GADL1: variants seen among roughly 807,000 people sequenced by gnomAD.
The protein encoded by GADL1 is GAD like acidic amino acid decarboxylase 1, also known as acidic amino acid decarboxylase GADL1.
In GADL1, 71 loss-of-function variants were observed where a neutral mutation model predicts 69.5. The ratio of observed to expected loss-of-function variants is 1.02; its 90% CI spans 0.84 to 1.25. The LOEUF is 1.25. Ranked by LOEUF, GADL1 falls within the 50% of genes most tolerant of loss-of-function variation. The pLI is 0.00. For missense variants in GADL1, 737 were observed against 631.8 expected, an observed-to-expected ratio of 1.17 and a Z score of -1.79; for synonymous variants, 254 against 214.4, an observed-to-expected ratio of 1.18 and a Z score of -1.62.
intron 8 of GADL1, among the ~76,000 whole-genome samples, chr3:30,841,849 A>G (rs1300954942): frequency 6.6e-6 from 1 of 152,206 alleles, no homozygotes; most frequent in Non-Finnish European, 1.5e-5. Context: ...GGCAGGAGCC[A>G]ATGAAGCCTC....
chr3:30,742,722 A>G (rs1327918789), intron 14 of GADL1, among the ~76,000 whole-genome samples: 1 of 152,134 alleles, frequency 6.6e-6, no homozygotes, highest in Non-Finnish European at 1.5e-5. Context: ...TTTAATATAT[A>G]TAGTTCTAAA....
At chr3:30,796,066 TTC>T (rs1222092173) in intron 12 of GADL1, among the ~76,000 whole-genome samples, 1 of 152,206 alleles carries the variant, frequency 6.6e-6, no homozygotes, top group East Asian at 1.9e-4. Flanking sequence ...TTAGAAAGTA[TTC>T]TTAGACTGTA....
At chr3:30,869,968 T>C (rs1698457518) in intron 1 of GADL1, among the ~76,000 whole-genome samples, 1 of 151,892 alleles carries the variant, frequency 6.6e-6, no homozygotes, top group South Asian at 2.1e-4. Flanking sequence ...AGAAGGGTAT[T>C]GTTTCTCAAT....
At chr3:30,742,100 C>A (rs1695635037) in intron 14 of GADL1, among the ~76,000 whole-genome samples, 1 of 152,124 alleles carries the variant, frequency 6.6e-6, no homozygotes, top group Non-Finnish European at 1.5e-5. Context: ...ATATTTTGGC[C>A]CGGACAGTAA....
At chr3:30,831,945 G>T (rs1210740492) in intron 11 of GADL1, among the ~76,000 whole-genome samples, 1 of 151,876 alleles carries the variant, frequency 6.6e-6, no homozygotes, top group East Asian at 1.9e-4. Flanking sequence ...TTCCCTGTGA[G>T]ATTATAAACT....
chr3:30,734,470 C>A (rs929635844), intron 14 of GADL1, among the ~76,000 whole-genome samples: 1 of 152,122 alleles, frequency 6.6e-6, no homozygotes, highest in Non-Finnish European at 1.5e-5. Flanking sequence ...GCTTTGGATT[C>A]AGCTAAATAT....
At chr3:30,849,634 A>G (rs956435590) in intron 6 of GADL1, among the ~76,000 whole-genome samples, 1 of 152,148 alleles carries the variant, frequency 6.6e-6, no homozygotes, top group African/African-American at 2.4e-5. Context: ...CAATCAAAGC[A>G]ATCATTTTAA....
chr3:30,858,071 C>T (rs531032871), intron 2 of GADL1, among the ~76,000 whole-genome samples: 1 of 151,918 alleles, frequency 6.6e-6, no homozygotes, highest in African/African-American at 2.4e-5. Flanking sequence ...CCTACTATTC[C>T]TTTTTACAAA....
chr3:30,751,347 C>G (rs533861139), intron 14 of GADL1, among the ~76,000 whole-genome samples: 13 of 151,954 alleles, frequency 8.6e-5, no homozygotes, highest in Non-Finnish European at 1.5e-4. Context: ...GAGCCGCTTG[C>G]TGGTGTTTGT....
At chr3:30,742,333 CTTTA>C (rs1175611820) in intron 14 of GADL1, among the ~76,000 whole-genome samples, 3 of 150,758 alleles carry the variant, frequency 2.0e-5, no homozygotes, top group African/African-American at 7.3e-5. Flanking sequence ...AGATATTATA[CTTTA>C]TTTAAGTTAA....
At chr3:30,878,370 A>G (rs948128182) in intron 1 of GADL1, among the ~76,000 whole-genome samples, 7 of 151,930 alleles carry the variant, frequency 4.6e-5, no homozygotes, top group African/African-American at 1.7e-4. Flanking sequence ...GAAGTAGCTC[A>G]GGGAAGGAAG....
At chr3:30,816,691 G>T (rs1022303317) in intron 11 of GADL1, among the ~76,000 whole-genome samples, 1 of 151,352 alleles carries the variant, frequency 6.6e-6, no homozygotes, top group African/African-American at 2.4e-5. Context: ...GACTACAGGC[G>T]CATGCCACCA....
At chr3:30,730,493 G>A (rs780865057) in intron 14 of GADL1, among the ~76,000 whole-genome samples, 2 of 151,936 alleles carry the variant, frequency 1.3e-5, no homozygotes, top group Non-Finnish European at 2.9e-5. Context: ...GAAGAAACCC[G>A]AGCTGCATAA....
chr3:30,755,379 TTG>T (rs1695943881), intron 14 of GADL1, among the ~76,000 whole-genome samples: 1 of 119,888 alleles, frequency 8.3e-6, no homozygotes, highest in Non-Finnish European at 1.8e-5. Context: ...ACTAAAAAAC[TTG>T]TTTTTCTATG....
intron 14 of GADL1, among the ~76,000 whole-genome samples, chr3:30,746,682 G>A (rs985018124): frequency 2.0e-5 from 3 of 152,136 alleles, no homozygotes; most frequent in South Asian, 2.1e-4. Context: ...CTAATCCTGG[G>A]CCATCAGATT....
At chr3:30,772,352 A>T (rs556600362) in intron 14 of GADL1, among the ~76,000 whole-genome samples, 1 of 152,326 alleles carries the variant, frequency 6.6e-6, no homozygotes, top group South Asian at 2.1e-4. Flanking sequence ...GGCATAGTGT[A>T]CTTATTTATG....
intron 14 of GADL1, among the ~76,000 whole-genome samples, chr3:30,749,882 A>G (rs540921366): frequency 6.6e-6 from 1 of 152,346 alleles, no homozygotes; most frequent in East Asian, 1.9e-4. Flanking sequence ...GCTATCTGTC[A>G]TAACTGAAGA....
chr3:30,801,419 A>C (rs1282082236), intron 11 of GADL1, among the ~76,000 whole-genome samples: 1 of 152,106 alleles, frequency 6.6e-6, no homozygotes, highest in Non-Finnish European at 1.5e-5. Flanking sequence ...TATAACTCAA[A>C]GTGCTCTCCA....
chr3:30,778,286 T>C lies in GADL1; in HGVS notation c.1303-18A>G. 4 of 1,459,916 alleles carry C rather than the reference T, an allele frequency of 2.7e-6. No homozygotes were observed. Among genetic ancestry groups the C allele is most frequent in the East Asian group, 2.3e-5 (1 of 44,118 alleles). 90.4% of individuals were successfully genotyped at this position (1,459,916 alleles called of 1,614,324 possible). On this transcript the variant is annotated intron_variant, in intron 13 of 14. Transcript: ENST00000282538. The stretch of plus-strand genomic sequence containing the variant: ...TATTCAGGCTGAGAATTAGAAAAAA[T>C]ATAAAGTTGTTATCTTAAGATTTAT...
Sources: gnomAD v4.1 joint callset for allele counts (sites outside exome capture counted in the v4.1 genomes callset) on GRCh38, gnomAD v4.1.1 for gene constraint, MANE v1.5 for transcripts, NCBI Gene and HGNC (gene_info 2026-07-23, HGNC 2026-07-21) for gene names.